Variants in PKN3 observed in about 807,000 individuals in gnomAD.
PKN3 encodes protein kinase N3, also known as serine/threonine-protein kinase N3.
Under a neutral mutation model 113.1 loss-of-function variants are expected in PKN3, and 91 were observed. That is an observed-to-expected ratio of 0.80 (90% CI 0.68 to 0.96). The LOEUF (loss-of-function observed/expected upper bound fraction) is 0.96, where lower values mean the gene tolerates loss of function less well. Among genes scored for constraint, PKN3 ranks in the 40% least tolerant of loss-of-function variants. The pLI is 0.00. For missense variants in PKN3, 1,052 were observed against 1,202.2 expected, an observed-to-expected ratio of 0.88 and a Z score of 1.85; for synonymous variants, 467 against 499.0, an observed-to-expected ratio of 0.94 and a Z score of 0.85.
Position 128,715,241 on chromosome 9 carries a change from G to T in PKN3, c.1716+6G>T, listed in dbSNP as rs779766555. 6.2e-7 allele frequency: 1 copy of T among 1,613,914 alleles called. No individual in the cohort carries two copies. The highest frequency in any genetic ancestry group is 8.5e-7 in the Non-Finnish European group (1 of 1,179,866). ...GCCGGGGACACTTTGGGAAGGTAGT[G>T]GGCTGAAGAGGGTGGTATGGGACGG... On this transcript the variant is annotated splice_donor_region_variant and intron_variant, in intron 14 of 21. Coordinates refer to ENST00000291906, the MANE Select transcript of PKN3 (RefSeq NM_013355.5). This position sits in a 1 kb window ranked among gnomAD's most constrained non-coding sequence, Gnocchi z 4.1.
chr9:128,714,951 CT>C lies in PKN3; in HGVS notation c.1652+87del, dbSNP rs1228101581. On this transcript the variant is annotated intron_variant, in intron 13 of 21. Coordinates refer to ENST00000291906, the MANE Select transcript of PKN3 (RefSeq NM_013355.5). ...TATCCATTCATACATTACTCCCTGG[CT>C]CCCTGGCGGGTGCGCTGACTGGCTC... is the stretch of plus-strand genomic sequence containing the variant. 3.0e-6 allele frequency: 4 copies of C among 1,345,034 alleles called. No homozygotes were observed. In the African/African-American group the frequency reaches 5.8e-5, roughly 19 times the overall value. The allele number at this position is 1,345,034 out of a possible 1,614,324, so 83.3% of individuals were successfully genotyped here.
Position 128,705,857 on chromosome 9 carries a change from C to G in PKN3, c.389C>G (p.Thr130Arg). The G allele has an allele frequency of 6.2e-7, 1 of 1,600,270 alleles. No homozygotes were observed. Among genetic ancestry groups the G allele is most frequent in the Non-Finnish European group, 8.5e-7 (1 of 1,171,196 alleles). The change falls in exon 3 of 22, where the codon ACG becomes AGG. Residue 130 changes from threonine (T) to arginine (R), a missense_variant. This residue lies in a region of PKN3 where 719 missense variants were observed against 759.4 expected (regional missense o/e 0.95). Transcript: ENST00000291906. ...VKQGAENMTH[T>R]CASGTPKERK... The stretch of plus-strand genomic sequence containing the variant: ...CAGGGGGCTGAGAACATGACCCACA[C>G]GTGCGCCAGTGGCACCCCCAAGGTA...
At chr9:128,703,753 C>G in intron 1 of PKN3, 1 of 985,374 alleles carries the variant, frequency 1.0e-6, no homozygotes, top group Non-Finnish European at 1.2e-6. Flanking sequence ...CCTTGAGCGC[C>G]CAAGCCAGTC....
chr9:128,715,749 C>T lies in PKN3; in HGVS notation c.1808+289C>T, dbSNP rs1453289028. Among the ~76,000 whole-genome samples, 2 of 152,154 alleles carry T rather than the reference C, an allele frequency of 1.3e-5. No individual in the cohort carries two copies. The highest frequency in any genetic ancestry group is 2.4e-5 in the African/African-American group (1 of 41,418). On this transcript the variant is annotated intron_variant, in intron 15 of 21. Transcript: ENST00000291906. The surrounding 1 kb of genome is among the most constrained non-coding windows in gnomAD (Gnocchi z 4.1). ...CACTCTATGGCCAGGCGTGGTAACT[C>T]ATGCATGTAACCCCAGCACTTTGGG...
rs1205749400 is a variant in PKN3 at position 128,715,873 on chromosome 9, T to A, written c.1808+413T>A. On this transcript the variant is annotated intron_variant, in intron 15 of 21. Coordinates refer to ENST00000291906, the MANE Select transcript of PKN3 (RefSeq NM_013355.5). This position sits in a 1 kb window ranked among gnomAD's most constrained non-coding sequence, Gnocchi z 4.1. ...TAAAAAATAGCCAGACATGGTGGCA[T>A]GTGCCTTTAGTCCCAGCTACTTGGG... 2.0e-5 allele frequency among the ~76,000 whole-genome samples: 3 copies of A among 151,968 alleles called. No individual in the cohort carries two copies. The South Asian group carries it at 6.2e-4, about 31-fold the overall frequency.
rs1449038772 is a variant in PKN3 at position 128,707,010 on chromosome 9, A to AGGCACTGGCTGAGGTCAGGCCCC, written c.639_651+10dup. The AGGCACTGGCTGAGGTCAGGCCCC allele has an allele frequency of 1.9e-6, 3 of 1,614,112 alleles. No individual in the cohort carries two copies. The African/African-American group carries it at 4.0e-5, about 22-fold the overall frequency. On this transcript the variant is annotated frameshift_variant, in exon 5 of 22. Coordinates refer to ENST00000291906, the MANE Select transcript of PKN3 (RefSeq NM_013355.5). LOFTEE classifies it high-confidence loss of function. ...AGTAGCCGGAGAACACAGGACCGCA[A>AGGCACTGGCTGAGGTCAGGCCCC]GGCACTGGCTGAGGTCAGGCCCCAG...
intron 6 of PKN3, among the ~76,000 whole-genome samples, chr9:128,712,241 CT>C (rs1862202765): frequency 6.6e-6 from 1 of 152,132 alleles, no homozygotes; most frequent in Non-Finnish European, 1.5e-5. Context: ...TCTTTCTACC[CT>C]GGACCCCTGC....
At chr9:128,716,615 G>T in intron 15 of PKN3, 132 bp from the exon 16 acceptor site, 13 of 641,092 alleles carry the variant, frequency 2.0e-5, no homozygotes, top group Non-Finnish European at 3.0e-5. Context: ...AAAAAAAAAT[G>T]AAAAGAAACC....
In PKN3 at chr9:128,714,128, A is replaced by G; in HGVS notation, c.1312+7A>G. 6.2e-7 allele frequency: 1 copy of G among 1,614,008 alleles called. No homozygotes were observed. Among genetic ancestry groups the G allele is most frequent in the Non-Finnish European group, 8.5e-7 (1 of 1,179,952 alleles). On this transcript the variant is annotated splice_region_variant and intron_variant, in intron 10 of 21. Coordinates refer to ENST00000291906, the MANE Select transcript of PKN3 (RefSeq NM_013355.5). ...ATCTTCTCTAAACGCAGAGGTGTGGAGGGAATGGGGGCTATGTGTGAGGGA... is the reference window on the plus strand; with the variant it reads ...ATCTTCTCTAAACGCAGAGGTGTGGGGGGAATGGGGGCTATGTGTGAGGGA...
chr9:128,702,803 G>C lies in PKN3; in HGVS notation c.-113G>C. On this transcript the variant is annotated 5_prime_UTR_variant, in exon 1 of 22. Coordinates refer to ENST00000291906, the MANE Select transcript of PKN3 (RefSeq NM_013355.5). ...CTCGGGAGGGGGCGCCCGATCCCGC[G>C]TCTCCGGCGCCGCTTCCCGGGAAGT... 1.2e-6 allele frequency: 1 copy of C among 802,552 alleles called. No homozygotes were observed. Among genetic ancestry groups the C allele is most frequent in the Non-Finnish European group, 2.0e-6 (1 of 509,328 alleles). The allele number at this position is 802,552 out of a possible 1,614,324, so 49.7% of individuals were successfully genotyped here. A position where few individuals can be genotyped will look rare whatever the true frequency, so the allele number is the denominator to read the frequency against.
rs1269836367 is a variant in PKN3, at chr9:128,720,172, GC to G, written c.2377-28del. The G allele has an allele frequency of 6.9e-6, 11 of 1,603,580 alleles. No individual in the cohort carries two copies. The highest frequency in any genetic ancestry group is 1.7e-6 in the Non-Finnish European group (2 of 1,172,374). ...ATGATGGCAGTGCCTGGGGCTGAAT[GC>G]CCTAAGTGAGCGCCTGTCCTATTGC... On this transcript the variant is annotated intron_variant, in intron 20 of 21. Coordinates refer to ENST00000291906, the MANE Select transcript of PKN3 (RefSeq NM_013355.5). The surrounding 1 kb of genome is among the most constrained non-coding windows in gnomAD (Gnocchi z 5.5).
At chr9:128,704,949 A>T (rs952629272) in intron 1 of PKN3, among the ~76,000 whole-genome samples, 1 of 151,936 alleles carries the variant, frequency 6.6e-6, no homozygotes, top group East Asian at 1.9e-4. Context: ...AAAAGAAAAA[A>T]GAAAATGGGG....
Position 128,707,239 on chromosome 9 carries a change from G to A in PKN3, c.669G>A (p.Gln223=). The A allele has an allele frequency of 1.2e-6, 2 of 1,609,784 alleles. No homozygotes were observed. Among genetic ancestry groups the A allele is most frequent in the East Asian group, 4.5e-5 (2 of 44,746 alleles). Residue 223 remains glutamine, a synonymous_variant, in exon 6 of 22, where the codon CAG becomes CAA. Coordinates refer to ENST00000291906, the MANE Select transcript of PKN3 (RefSeq NM_013355.5). ...KALAEAQAQL[Q]ESSQKLDLLR... ...CTCTGCAGGCCCAGGCCCAGCTACA[G>A]GAGTCCTCTCAGAAACTGGACCTCC...
At chr9:128,711,247 T>C (rs1403918806) in intron 6 of PKN3, among the ~76,000 whole-genome samples, 2 of 151,386 alleles carry the variant, frequency 1.3e-5, no homozygotes, top group Non-Finnish European at 3.0e-5. Context: ...CTCAGGTGAT[T>C]TGCCCGCCTT....
Position 128,702,903 on chromosome 9 carries a change from C to G in PKN3, c.-13C>G. 6.7e-7 allele frequency: 1 copy of G among 1,484,866 alleles called. No homozygotes were observed. 92.0% of individuals were successfully genotyped at this position (1,484,866 alleles called of 1,614,324 possible). A position where few individuals can be genotyped will look rare whatever the true frequency, so the allele number is the denominator to read the frequency against. ...TGGCTGAGAGAAGGGCCCCAAGCGGCCGGAGCGGCGCCATGGAGGAGGGGG... is the reference window on the plus strand; with the variant it reads ...TGGCTGAGAGAAGGGCCCCAAGCGGGCGGAGCGGCGCCATGGAGGAGGGGG... On this transcript the variant is annotated 5_prime_UTR_variant, in exon 1 of 22. Transcript: ENST00000291906.
chr9:128,706,115 T>C lies in PKN3; in HGVS notation c.411+236T>C, dbSNP rs929479718. ...CCAGCCCCAGTCCCAACTCCCAGCA[T>C]GATGTCCAGAACTGGGCCTCAGTCC... On this transcript the variant is annotated intron_variant, in intron 3 of 21. Transcript: ENST00000291906. Among the ~76,000 whole-genome samples, 4 of 152,240 alleles carry C rather than the reference T, an allele frequency of 2.6e-5. No homozygotes were observed. The South Asian group carries it at 8.3e-4, about 32-fold the overall frequency.
At chr9:128,703,055 C>A in intron 1 of PKN3, 116 bp downstream of exon 1, 1 of 700,316 alleles carries the variant, frequency 1.4e-6, no homozygotes, top group Non-Finnish European at 2.2e-6. Flanking sequence ...CGCGCCCCTT[C>A]CCTGCCCCTG....
At position 128,702,768 on chromosome 9, in the gene PKN3, G is replaced by A. The variant is rs1232904359; in HGVS notation, c.-148G>A. ...ACGGGAGGCGGCGCTGGTCCCGCGGGCCAGCGGGTCTCGGGAGGGGGCGCC... is the reference window on the plus strand; with the variant it reads ...ACGGGAGGCGGCGCTGGTCCCGCGGACCAGCGGGTCTCGGGAGGGGGCGCC... On this transcript the variant is annotated 5_prime_UTR_variant, in exon 1 of 22. Transcript: ENST00000291906. 3.3e-6 allele frequency: 2 copies of A among 608,082 alleles called. No individual in the cohort carries two copies. Among genetic ancestry groups the A allele is most frequent in the Non-Finnish European group, 5.6e-6 (2 of 356,512 alleles). 37.7% of individuals were successfully genotyped at this position (608,082 alleles called of 1,614,324 possible).
intron 16 of PKN3, among the ~76,000 whole-genome samples, chr9:128,717,308 A>G (rs1039200991): frequency 1.3e-5 from 2 of 149,406 alleles, no homozygotes; most frequent in African/African-American, 4.9e-5. Context: ...TTGTATTTTT[A>G]GTAGAGACGA....
Sources: allele counts gnomAD v4.1 joint callset (sites outside exome capture counted in the v4.1 genomes callset), GRCh38; gene constraint gnomAD v4.1.1; regional missense constraint gnomAD v4.1.1; non-coding constraint Gnocchi (gnomAD v3.1); transcripts MANE v1.5; gene names NCBI Gene and HGNC (gene_info 2026-07-23, HGNC 2026-07-21).